The following RMND5A variants were observed in gnomAD, a reference collection of about 807,000 sequenced individuals.
RMND5A encodes E3 ubiquitin-protein transferase RMND5A.
Under a neutral mutation model 49.7 loss-of-function variants are expected in RMND5A, and 17 were observed. The observed-to-expected ratio is 0.34, with a 90% CI of 0.23 to 0.51. RMND5A has a LOEUF of 0.51. Ranked by LOEUF, RMND5A falls within the 20% of genes least tolerant of loss-of-function variation. The probability of loss-of-function intolerance (pLI) is 0.96; values close to 1 mark genes in which losing one functional copy is unlikely to be tolerated. For missense variants in RMND5A, 255 were observed against 471.3 expected (o/e 0.54, Z 4.25); for synonymous variants, 156 against 167.7 (o/e 0.93, Z 0.54).
At chr2:86,749,770 A>G (rs1681601509) in intron 2 of RMND5A, among the ~76,000 whole-genome samples, 1 of 152,178 alleles carries the variant, frequency 6.6e-6, no homozygotes, top group Non-Finnish European at 1.5e-5. Context: ...TAAGACTGAC[A>G]ATATTCTTGG....
At chr2:86,769,751 A>C (rs1672659327) in intron 6 of RMND5A, among the ~76,000 whole-genome samples, 4 of 151,806 alleles carry the variant, frequency 2.6e-5, no homozygotes, top group Admixed American at 2.6e-4. Flanking sequence ...TAGAAAATTT[A>C]GAGTTTTATT....
chr2:86,772,707 G>A (rs556643559), intron 8 of RMND5A, among the ~76,000 whole-genome samples: 9 of 151,628 alleles, frequency 5.9e-5, no homozygotes, highest in Non-Finnish European at 1.3e-4. Context: ...CAATTTTCAT[G>A]CCTCAGCTTC....
chr2:86,766,579 G>A (rs1454345880), intron 6 of RMND5A, among the ~76,000 whole-genome samples: 1 of 148,292 alleles, frequency 6.7e-6, no homozygotes, highest in Non-Finnish European at 1.5e-5. Flanking sequence ...CAGAAGAATC[G>A]CTTGAACCCA....
intron 1 of RMND5A, among the ~76,000 whole-genome samples, chr2:86,732,194 A>G (rs1681343045): frequency 7.3e-6 from 1 of 136,800 alleles, no homozygotes; most frequent in South Asian, 2.2e-4. Context: ...ACCAAATTAG[A>G]ACTTTTTATT....
intron 4 of RMND5A, among the ~76,000 whole-genome samples, chr2:86,756,853 G>A (rs1681748153): frequency 6.6e-6 from 1 of 152,158 alleles, no homozygotes; most frequent in Non-Finnish European, 1.5e-5. Flanking sequence ...TGCCTATGCG[G>A]TGAGAAGGCA....
intron 1 of RMND5A, among the ~76,000 whole-genome samples, chr2:86,721,593 G>A (rs1002099244): frequency 2.6e-5 from 4 of 151,740 alleles, no homozygotes; most frequent in East Asian, 3.9e-4. Flanking sequence ...CCTATAGAAG[G>A]TGTTTCACCT....
intron 4 of RMND5A, among the ~76,000 whole-genome samples, chr2:86,759,760 A>G (rs1411093648): frequency 1.3e-5 from 2 of 151,836 alleles, no homozygotes; most frequent in Admixed American, 6.6e-5. Flanking sequence ...AGATCACGCC[A>G]CTGTACTCCA....
intron 4 of RMND5A, among the ~76,000 whole-genome samples, chr2:86,757,974 G>T (rs1378053924): frequency 1.3e-5 from 2 of 152,194 alleles, no homozygotes; most frequent in Non-Finnish European, 2.9e-5. Context: ...AATGTTCAAA[G>T]TTCTCAGGCT....
intron 4 of RMND5A, among the ~76,000 whole-genome samples, chr2:86,761,262 C>T (rs1672483726): frequency 6.6e-6 from 1 of 152,050 alleles, no homozygotes; most frequent in South Asian, 2.1e-4. Flanking sequence ...CTCTTGATAC[C>T]AGAGCTTAGC....
intron 6 of RMND5A, among the ~76,000 whole-genome samples, chr2:86,767,838 A>G (rs546377265): frequency 1.0e-3 from 153 of 152,344 alleles, no homozygotes; most frequent in African/African-American, 3.6e-3. Flanking sequence ...AGTATCCACA[A>G]TGATCCAAAG....
rs1226923821 is a variant in RMND5A, at chr2:86,753,038, C to T, written c.421-420C>T. Reference sequence around the variant, plus strand: ...TCTTGCACAGAAATCGGTAGTAAGACGTCCACAGCATGTTTGGTAGCTCTG... The same window carrying T: ...TCTTGCACAGAAATCGGTAGTAAGATGTCCACAGCATGTTTGGTAGCTCTG... On this transcript the variant is annotated intron_variant, in intron 3 of 8. Transcript: ENST00000283632. Among the ~76,000 whole-genome samples, 3 of 152,106 alleles carry T rather than the reference C, an allele frequency of 2.0e-5. No individual in the cohort carries two copies. In the East Asian group the frequency reaches 5.8e-4, roughly 29 times the overall value.
chr2:86,757,174 C>CAAAAAAAAAAAAA (rs60710494), intron 4 of RMND5A, among the ~76,000 whole-genome samples: 13 of 97,952 alleles, frequency 1.3e-4, no homozygotes, highest in African/African-American at 3.6e-4. Flanking sequence ...AACTCAGTCT[C>CAAAAAAAAAAAAA]AAAAAAAAAA....
chr2:86,732,304 G>T (rs1681344855), intron 1 of RMND5A, among the ~76,000 whole-genome samples: 1 of 150,318 alleles, frequency 6.7e-6, no homozygotes, highest in Non-Finnish European at 1.5e-5. Context: ...TGTTTGTGCA[G>T]TTGAACCCCC....
intron 8 of RMND5A, 78 bp downstream of exon 8, chr2:86,771,790 G>A: frequency 8.3e-7 from 1 of 1,211,408 alleles, no homozygotes; most frequent in Non-Finnish European, 1.2e-6. Context: ...AAGTGATGAG[G>A]ATTAAAAAAA....
chr2:86,767,045 CTTGTT>C (rs1036444895), intron 6 of RMND5A, among the ~76,000 whole-genome samples: 1 of 151,826 alleles, frequency 6.6e-6, no homozygotes, highest in Admixed American at 6.6e-5. Context: ...TCATGGAATA[CTTGTT>C]TTGTTTGTTA....
intron 6 of RMND5A, among the ~76,000 whole-genome samples, chr2:86,769,238 C>G (rs1355907241): frequency 4.6e-5 from 7 of 152,178 alleles, no homozygotes; most frequent in Non-Finnish European, 8.8e-5. Context: ...GAGCCACCAC[C>G]ATCTGCTGTT....
In RMND5A at chr2:86,770,089, G is replaced by A. The variant is rs1672664232; in HGVS notation, c.921G>A (p.Gln307=). 1 of 1,614,030 alleles carries A rather than the reference G, an allele frequency of 6.2e-7. No individual in the cohort carries two copies. The highest frequency in any genetic ancestry group is 8.5e-7 in the Non-Finnish European group (1 of 1,179,898). Residue 307 remains glutamine (Q), a synonymous_variant, in exon 7 of 9, where the codon CAG becomes CAA. Coordinates refer to ENST00000283632, the MANE Select transcript of RMND5A (RefSeq NM_022780.4). ...INIKAVIEQR[Q]CTGVWNQKDE... ...TCAAAGCCGTGATTGAACAGAGGCA[G>A]TGTACTGGAGTTTGGAACCAGAAAG...
intron 4 of RMND5A, among the ~76,000 whole-genome samples, chr2:86,761,318 A>G (rs1197045502): frequency 1.3e-5 from 2 of 152,324 alleles, no homozygotes; most frequent in Non-Finnish European, 2.9e-5. Context: ...TTAAAAATAG[A>G]TTGACTTTCT....
chr2:86,742,589 G>A (rs1558720273), intron 2 of RMND5A, among the ~76,000 whole-genome samples: 1 of 151,148 alleles, frequency 6.6e-6, no homozygotes, highest in Non-Finnish European at 1.5e-5. Flanking sequence ...ATGTGATGGG[G>A]CACTTTAGAG....
Sources: allele counts gnomAD v4.1 joint callset (sites outside exome capture counted in the v4.1 genomes callset), GRCh38; gene constraint gnomAD v4.1.1; transcripts MANE v1.5; gene names NCBI Gene and HGNC (gene_info 2026-07-23, HGNC 2026-07-21).